Variants in GRID1 observed in about 807,000 individuals in gnomAD.
The protein encoded by GRID1 is glutamate ionotropic receptor delta type subunit 1.
A neutral mutation model predicts 98.0 loss-of-function variants in GRID1; 28 were observed. That is an observed-to-expected ratio of 0.29 (90% CI 0.21 to 0.39). The LOEUF (loss-of-function observed/expected upper bound fraction) is 0.39, where lower values mean the gene tolerates loss of function less well. Ranked by LOEUF, GRID1 falls within the 10% of genes least tolerant of loss-of-function variation. GRID1 has a pLI of 1.00. For missense variants in GRID1, 1,111 were observed against 1,340.5 expected (o/e 0.83, Z 2.67); for synonymous variants, 553 against 538.5 (o/e 1.03, Z -0.37).
At chr10:86,203,035 C>A (rs1019965095) in intron 3 of GRID1, among the ~76,000 whole-genome samples, 1 of 152,140 alleles carries the variant, frequency 6.6e-6, no homozygotes, top group African/African-American at 2.4e-5. Context: ...CAGGAAGAAC[C>A]TTTCTGAGCC....
chr10:86,142,339 C>T (rs1368698686), intron 3 of GRID1, among the ~76,000 whole-genome samples: 2 of 152,262 alleles, frequency 1.3e-5, no homozygotes, highest in African/African-American at 4.8e-5. Flanking sequence ...TCTGGTATAG[C>T]TTATGAAAAC....
intron 4 of GRID1, among the ~76,000 whole-genome samples, chr10:85,973,652 T>A (rs1842435208): frequency 2.0e-5 from 3 of 152,232 alleles, no homozygotes; most frequent in Admixed American, 2.0e-4. Context: ...TCCAGTTTTA[T>A]TTTCTAATCA....
chr10:85,749,237 TG>T (rs1371421048), intron 8 of GRID1, among the ~76,000 whole-genome samples: 1 of 152,168 alleles, frequency 6.6e-6, no homozygotes, highest in Non-Finnish European at 1.5e-5. Flanking sequence ...ATGTTAGCAA[TG>T]GGGTCTCTTG....
At chr10:85,677,984 G>A (rs954320460) in intron 12 of GRID1, among the ~76,000 whole-genome samples, 1 of 152,038 alleles carries the variant, frequency 6.6e-6, no homozygotes, top group Non-Finnish European at 1.5e-5. Flanking sequence ...CAGAAGAAGG[G>A]ATTTAACTGG....
At chr10:85,949,840 T>C (rs1195955014) in intron 4 of GRID1, among the ~76,000 whole-genome samples, 1 of 152,184 alleles carries the variant, frequency 6.6e-6, no homozygotes, top group Non-Finnish European at 1.5e-5. Flanking sequence ...TTCTTGTGTG[T>C]GTGTCTATAG....
chr10:86,231,932 G>C (rs1358220733), intron 2 of GRID1, among the ~76,000 whole-genome samples: 2 of 152,156 alleles, frequency 1.3e-5, no homozygotes, highest in African/African-American at 4.8e-5. Flanking sequence ...CTCAACAAAT[G>C]CTCATTGGGT....
At chr10:86,023,881 T>C (rs1053589655) in intron 4 of GRID1, among the ~76,000 whole-genome samples, 10 of 152,206 alleles carry the variant, frequency 6.6e-5, no homozygotes, top group Admixed American at 5.2e-4. Context: ...GGCCTCACCA[T>C]GTCTCACTTA....
At chr10:86,323,216 C>T (rs565613423) in intron 2 of GRID1, among the ~76,000 whole-genome samples, 2 of 152,320 alleles carry the variant, frequency 1.3e-5, no homozygotes, top group African/African-American at 2.4e-5. Context: ...TCTCGAGAGC[C>T]GGGGTGGCCT....
chr10:86,030,267 G>T (rs2131892218), intron 4 of GRID1, among the ~76,000 whole-genome samples: 1 of 152,344 alleles, frequency 6.6e-6, no homozygotes, highest in South Asian at 2.1e-4. Context: ...TTAAAACAAG[G>T]ATATTTAGGA....
intron 2 of GRID1, among the ~76,000 whole-genome samples, chr10:86,331,595 A>G (rs976778461): frequency 3.9e-5 from 6 of 152,174 alleles, no homozygotes. Flanking sequence ...AGAGACTCCT[A>G]GTCTCCCCAA....
At chr10:86,232,565 C>T (rs750237482) in intron 2 of GRID1, among the ~76,000 whole-genome samples, 12 of 152,074 alleles carry the variant, frequency 7.9e-5, no homozygotes, top group Non-Finnish European at 1.3e-4. Context: ...AGAGATACTG[C>T]GAAGTGACTG....
chr10:86,315,663 A>G (rs1847888174), intron 2 of GRID1, among the ~76,000 whole-genome samples: 1 of 151,488 alleles, frequency 6.6e-6, no homozygotes, highest in African/African-American at 2.4e-5. Flanking sequence ...CCTCCCCTTC[A>G]TCCATCCATC....
chr10:85,610,955 G>A (rs1281304524), intron 15 of GRID1, among the ~76,000 whole-genome samples: 3 of 152,208 alleles, frequency 2.0e-5, no homozygotes, highest in African/African-American at 7.2e-5. Context: ...CTATCTGGAA[G>A]CAGGTTGGCA....
intron 4 of GRID1, among the ~76,000 whole-genome samples, chr10:86,085,797 G>C (rs1211462376): frequency 6.6e-6 from 1 of 152,050 alleles, no homozygotes. Flanking sequence ...ACAGCCCGTG[G>C]CATCAAACCA....
chr10:86,102,989 T>C (rs1056218643), intron 4 of GRID1, among the ~76,000 whole-genome samples: 5 of 152,032 alleles, frequency 3.3e-5, no homozygotes, highest in African/African-American at 9.7e-5. Flanking sequence ...CCTGCTGCCA[T>C]GTAAGACATG....
In GRID1 at chr10:86,365,578, C is replaced by T. The variant is rs1178577109; in HGVS notation, c.79+736G>A. Among the ~76,000 whole-genome samples, 5 of 149,440 alleles carry T rather than the reference C, an allele frequency of 3.3e-5. No homozygotes were observed. Among genetic ancestry groups the T allele is most frequent in the Middle Eastern group, 7.5e-3 (2 of 266 alleles). ...CCGCTGCCCACGCTTCTTCCCTCGG[C>T]TCCCACCACCCAGACCGTCTGGGCC... is the stretch of plus-strand genomic sequence containing the variant. On this transcript the variant is annotated intron_variant, in intron 1 of 15. Transcript: ENST00000327946. The surrounding 1 kb of genome is among the most constrained non-coding windows in gnomAD (Gnocchi z 4.8).
At chr10:86,153,254 G>A (rs67507454) in intron 3 of GRID1, among the ~76,000 whole-genome samples, 7,711 of 152,242 alleles carry the variant, frequency 0.051, 212 homozygotes, top group African/African-American at 0.058. Flanking sequence ...AGGTATTCCA[G>A]CTCACCAGTG....
chr10:86,030,366 A>C (rs1418673713), intron 4 of GRID1, among the ~76,000 whole-genome samples: 1 of 152,236 alleles, frequency 6.6e-6, no homozygotes, highest in East Asian at 1.9e-4. Context: ...AAAGGTTAAC[A>C]ATAAAGTTTC....
At chr10:85,865,964 G>C (rs1183850443) in intron 6 of GRID1, among the ~76,000 whole-genome samples, 416 of 7,354 alleles carry the variant, frequency 0.057, 15 homozygotes, top group African/African-American at 0.13. Context: ...TGGAGAGAGA[G>C]AGAGAGAGAG....
Sources: gnomAD v4.1 joint callset for allele counts (sites outside exome capture counted in the v4.1 genomes callset) on GRCh38, gnomAD v4.1.1 for gene constraint, Gnocchi (gnomAD v3.1) non-coding constraint, MANE v1.5 for transcripts, NCBI Gene and HGNC (gene_info 2026-07-23, HGNC 2026-07-21) for gene names.